The following CYBA variants were observed in gnomAD, a reference collection of about 807,000 sequenced individuals.
CYBA encodes cytochrome b-245 light chain.
CYBA carries 21 observed loss-of-function variants against 20.8 expected under a neutral mutation model. That is an observed-to-expected ratio of 1.01 (90% confidence interval 0.72 to 1.46). CYBA has a LOEUF of 1.46. Ranked by LOEUF, CYBA falls within the 40% of genes most tolerant of loss-of-function variation. The pLI is 0.00. For missense variants in CYBA, 344 were observed against 287.0 expected (o/e 1.20, Z -1.43); for synonymous variants, 164 against 127.5 (o/e 1.29, Z -1.93).
intron 1 of CYBA, among the ~76,000 whole-genome samples, chr16:88,649,821 G>C (rs1303842570): frequency 6.6e-6 from 1 of 152,218 alleles, no homozygotes; most frequent in Non-Finnish European, 1.5e-5. Flanking sequence ...GGTTTCAGCA[G>C]GAGGCCAGAC....
intron 5 of CYBA, chr16:88,645,787 C>T: frequency 1.9e-6 from 1 of 540,302 alleles, no homozygotes; most frequent in Non-Finnish European, 3.3e-6. Context: ...CGGTCTTCGG[C>T]CGGCTGCGTG....
rs179363891 is a variant in CYBA at position 88,648,099 on chromosome 16, C to T, written c.74G>A (p.Gly25Asp). Residue 25 changes from glycine to aspartate, a missense_variant, in exon 2 of 6, where the codon GGC (glycine) becomes GAC (aspartate). Coordinates refer to ENST00000261623, the MANE Select transcript of CYBA (RefSeq NM_000101.4). ...GAAGCGCCCAGCTGTGGCCACGATGCCCCCGGTGATGAGGACTGCGGGGAG... is the reference window on the plus strand; with the variant it reads ...GAAGCGCCCAGCTGTGGCCACGATGTCCCCGGTGATGAGGACTGCGGGGAG... Reference protein sequence around the residue: ...LASGLILITGGIVATAGRFTQ... With the variant: ...LASGLILITGDIVATAGRFTQ... The T allele has an allele frequency of 2.5e-6, 4 of 1,612,134 alleles. No individual in the cohort carries two copies. The highest frequency in any genetic ancestry group is 3.4e-6 in the Non-Finnish European group (4 of 1,179,638).
chr16:88,648,321 G>A (rs1907365900), intron 1 of CYBA, among the ~76,000 whole-genome samples: 1 of 152,234 alleles, frequency 6.6e-6, no homozygotes, highest in South Asian at 2.1e-4. Context: ...GCTGGCGGAG[G>A]GGGTGCTGGA....
At chr16:88,645,827 G>A in intron 5 of CYBA, 1 of 558,300 alleles carries the variant, frequency 1.8e-6, no homozygotes, top group Non-Finnish European at 3.2e-6. Context: ...ACCTCCCTGA[G>A]CCTCCGCATC....
chr16:88,647,682 G>A lies in CYBA; in HGVS notation c.128+363C>T, dbSNP rs542552355. The A allele has an allele frequency of 9.9e-4, 399 of 404,126 alleles. 3 individuals carry two copies. The highest frequency in any genetic ancestry group is 4.0e-3 in the South Asian group (179 of 44,466). The allele number at this position is 404,126 out of a possible 1,614,324, so 25.0% of individuals were successfully genotyped here. A position where few individuals can be genotyped will look rare whatever the true frequency, so the allele number is the denominator to read the frequency against. On this transcript the variant is annotated intron_variant, in intron 2 of 5. Transcript: ENST00000261623. Reference sequence around the variant, plus strand: ...TCCTTGTCGCAAGGTCCGGCTGGGCGGCAGGGCTGAGATGGGGCAGAGGAG... The same window carrying A: ...TCCTTGTCGCAAGGTCCGGCTGGGCAGCAGGGCTGAGATGGGGCAGAGGAG...
intron 2 of CYBA, among the ~76,000 whole-genome samples, chr16:88,647,402 A>C (rs1476966959): frequency 2.4e-4 from 37 of 152,184 alleles, no homozygotes; most frequent in Admixed American, 2.4e-3. Context: ...AGCCAGGTGC[A>C]GTGGTGTGTG....
At chr16:88,645,581 T>A (rs1242921775) in intron 5 of CYBA, 1 of 618,350 alleles carries the variant, frequency 1.6e-6, no homozygotes, top group African/African-American at 1.8e-5. Context: ...CGCCCTGTCC[T>A]CCCACCCATC....
chr16:88,647,823 A>C, intron 2 of CYBA: 6 of 614,100 alleles, frequency 9.8e-6, no homozygotes, highest in Non-Finnish European at 1.8e-5. Context: ...CCTGCCCACC[A>C]CTCACCAGGA....
intron 4 of CYBA, chr16:88,646,462 C>T (rs538942543): frequency 1.4e-5 from 10 of 695,470 alleles, no homozygotes; most frequent in Admixed American, 6.0e-5. Context: ...ACACACAGCA[C>T]GGAACCCTCC....
Position 88,643,348 on chromosome 16 carries a change from C to A in CYBA, c.*5G>T, listed in dbSNP as rs568465849. 1.3e-6 allele frequency: 2 copies of A among 1,513,506 alleles called. No homozygotes were observed. Among genetic ancestry groups the A allele is most frequent in the South Asian group, 2.5e-5 (2 of 80,970 alleles). The allele number at this position is 1,513,506 out of a possible 1,614,324, so 93.8% of individuals were successfully genotyped here. ...ACCTGGCGGGAGGGCAGGTCCGGGG[C>A]GAGGTCACACGACCTCGTCGGTCAC... On this transcript the variant is annotated 3_prime_UTR_variant, in exon 6 of 6. Transcript: ENST00000261623. This position sits in a 1 kb window ranked among gnomAD's most constrained non-coding sequence, Gnocchi z 4.3.
intron 5 of CYBA, 75 bp downstream of exon 5, chr16:88,646,041 A>G: frequency 2.4e-6 from 3 of 1,262,416 alleles, no homozygotes; most frequent in Non-Finnish European, 3.3e-6. Flanking sequence ...TTCAAGGGCC[A>G]TGCGTGTCCG....
intron 1 of CYBA, among the ~76,000 whole-genome samples, chr16:88,649,999 G>A (rs1009458152): frequency 6.6e-6 from 1 of 152,148 alleles, no homozygotes; most frequent in Non-Finnish European, 1.5e-5. Flanking sequence ...TCACTTTCCT[G>A]GGCACAGGAC....
intron 5 of CYBA, chr16:88,645,412 G>A (rs1483138854): frequency 8.5e-6 from 6 of 702,292 alleles, no homozygotes; most frequent in Non-Finnish European, 1.6e-5. Context: ...TGCCTCTGCG[G>A]GCAGGAGGGA....
At chr16:88,646,622 C>T (rs1192099585) in intron 4 of CYBA, 133 bp downstream of exon 4, 6 of 826,586 alleles carry the variant, frequency 7.3e-6, no homozygotes, top group South Asian at 2.7e-5. Context: ...GCCAGGGACC[C>T]GAATTTTTGT....
intron 1 of CYBA, among the ~76,000 whole-genome samples, chr16:88,648,997 G>A (rs1216284174): frequency 6.7e-6 from 1 of 149,432 alleles, no homozygotes; most frequent in African/African-American, 2.5e-5. Context: ...GAGTTCCGTG[G>A]CGTGATCTCA....
rs371077972 is a variant in CYBA, at chr16:88,644,042, G to T, written c.370-471C>A. Among the ~76,000 whole-genome samples, 28 of 152,338 alleles carry T rather than the reference G, an allele frequency of 1.8e-4. No individual in the cohort carries two copies. The East Asian group carries it at 3.3e-3, about 18-fold the overall frequency. On this transcript the variant is annotated intron_variant, in intron 5 of 5. Transcript: ENST00000261623. ...GCATTTCTGCACATGGGGGTGGTGG[G>T]GGGAGAGCTTGAAGACCACGGGATT... is the stretch of plus-strand genomic sequence containing the variant.
chr16:88,643,410 C>T lies in CYBA; in HGVS notation c.531G>A (p.Gly177=), dbSNP rs769229409. ...PSEEEAAVAA[G]GPPGGPQVNP... ...TGACCTGGGGACCTCCCGGGGGTCCCCCCGCCGCCACCGCAGCCTCCTCCT... is the reference window on the plus strand; with the variant it reads ...TGACCTGGGGACCTCCCGGGGGTCCTCCCGCCGCCACCGCAGCCTCCTCCT... The change falls in exon 6 of 6, where the codon GGG becomes GGA. Residue 177 remains glycine, a synonymous_variant. Transcript: ENST00000261623. This position sits in a 1 kb window ranked among gnomAD's most constrained non-coding sequence, Gnocchi z 4.3. The T allele has an allele frequency of 6.5e-7, 1 of 1,534,484 alleles. No homozygotes were observed.
intron 2 of CYBA, chr16:88,647,692 A>G: frequency 2.4e-6 from 1 of 417,394 alleles, no homozygotes; most frequent in Non-Finnish European, 4.5e-6. Context: ...GGCAGGGCTG[A>G]GATGGGGCAG....
Position 88,646,151 on chromosome 16 carries a change from C to T in CYBA, c.334G>A (p.Ala112Thr), listed in dbSNP as rs756543066. 5 of 1,559,604 alleles carry T rather than the reference C, an allele frequency of 3.2e-6. No homozygotes were observed. The highest frequency in any genetic ancestry group is 2.4e-5 in the East Asian group (1 of 41,744). The change falls in exon 5 of 6, where the codon GCC becomes ACC. Residue 112 changes from alanine to threonine, a missense_variant. By Grantham distance (58) the Ala-to-Thr change is moderately conservative. Coordinates refer to ENST00000261623, the MANE Select transcript of CYBA (RefSeq NM_000101.4). ...ATGCCGCTCGCAATGGCCAGGCAGGCGGTCCCAAGGATGGTGGCCAGCAGG... is the reference window on the plus strand; with the variant it reads ...ATGCCGCTCGCAATGGCCAGGCAGGTGGTCCCAAGGATGGTGGCCAGCAGG... ...GFLLATILGT[A>T]CLAIASGIYL...
Sources: allele counts gnomAD v4.1 joint callset (sites outside exome capture counted in the v4.1 genomes callset), GRCh38; gene constraint gnomAD v4.1.1; non-coding constraint Gnocchi (gnomAD v3.1); transcripts MANE v1.5; gene names NCBI Gene and HGNC (gene_info 2026-07-23, HGNC 2026-07-21).